PDE1A: variants seen among roughly 807,000 people sequenced by gnomAD.
The protein encoded by PDE1A is dual specificity calcium/calmodulin-dependent 3',5'-cyclic nucleotide phosphodiesterase 1A.
Under a neutral mutation model 61.7 loss-of-function variants are expected in PDE1A, and 35 were observed. That is an observed-to-expected ratio of 0.57 (90% CI 0.43 to 0.75). PDE1A has a LOEUF of 0.75. Among genes scored for constraint, PDE1A ranks in the 30% least tolerant of loss-of-function variants. PDE1A has a pLI of 0.00. For synonymous variants in PDE1A, 232 were observed against 213.2 expected (o/e 1.09, Z -0.77); for missense variants, 597 against 630.6 (o/e 0.95, Z 0.57).
chr2:182,264,439 G>A (rs1692456894), intron 1 of PDE1A, 25 bp from the exon 2 acceptor site: 2 of 1,528,794 alleles, frequency 1.3e-6, no homozygotes, highest in Non-Finnish European at 1.8e-6. Flanking sequence ...TAGCCAAAGA[G>A]AGAAAGAGCA....
At chr2:182,704,227 A>C in the PDE1A span, among the ~76,000 whole-genome samples, 2 of 141,324 alleles carry the variant, frequency 1.4e-5, no homozygotes, top group South Asian at 2.2e-4. Context: ...AAAAAAAAAC[A>C]AAAAAAAAAA....
At chr2:182,592,479 C>G in the PDE1A span, among the ~76,000 whole-genome samples, 1 of 152,180 alleles carries the variant, frequency 6.6e-6, no homozygotes, top group Admixed American at 6.5e-5. Context: ...AACTTGGTTA[C>G]GTATCTTCCC....
chr2:182,593,620 C>T, the PDE1A span, among the ~76,000 whole-genome samples: 1,691 of 152,306 alleles, frequency 0.011, 11 homozygotes, highest in Middle Eastern at 0.02. Flanking sequence ...CAAGCAGCAT[C>T]TTATACTAAA....
chr2:182,360,826 C>A (rs909311368), intron 1 of PDE1A, among the ~76,000 whole-genome samples: 9 of 151,818 alleles, frequency 5.9e-5, no homozygotes, highest in Admixed American at 5.9e-4. Context: ...TGTATGGATT[C>A]TTGACAAGTT....
chr2:182,700,961 A>C, the PDE1A span, among the ~76,000 whole-genome samples: 3 of 152,082 alleles, frequency 2.0e-5, no homozygotes, highest in African/African-American at 7.2e-5. Context: ...TGTCCTAATT[A>C]GTTTTCATTT....
At chr2:182,685,062 T>G in the PDE1A span, among the ~76,000 whole-genome samples, 21 of 149,546 alleles carry the variant, frequency 1.4e-4, no homozygotes, top group African/African-American at 5.1e-4. Flanking sequence ...TTATTCTGAA[T>G]ATATATATAT....
intron 1 of PDE1A, among the ~76,000 whole-genome samples, chr2:182,360,529 GT>G (rs200227796): frequency 0.071 from 9,091 of 128,484 alleles, 583 homozygotes; most frequent in African/African-American, 0.21. Context: ...GCAGTTTAGT[GT>G]TTTTTTTTTT....
At chr2:182,242,056 A>G in intron 2 of PDE1A, 1 of 1,295,006 alleles carries the variant, frequency 7.7e-7, no homozygotes, top group South Asian at 2.5e-5. Flanking sequence ...TGGAATAGGA[A>G]TCATTGTGGT....
chr2:182,178,479 T>G (rs1684471837), intron 13 of PDE1A, among the ~76,000 whole-genome samples: 1 of 152,084 alleles, frequency 6.6e-6, no homozygotes, highest in Admixed American at 6.6e-5. Context: ...ACTTAGACAG[T>G]TATAGTCTGA....
At chr2:182,547,611 A>G in the PDE1A span, among the ~76,000 whole-genome samples, 1 of 152,228 alleles carries the variant, frequency 6.6e-6, no homozygotes, top group Non-Finnish European at 1.5e-5. Context: ...TTCATATTGC[A>G]TAGGAAGTGT....
intron 7 of PDE1A, among the ~76,000 whole-genome samples, chr2:182,212,618 C>T (rs1030927664): frequency 5.9e-5 from 9 of 152,218 alleles, no homozygotes; most frequent in Non-Finnish European, 1.3e-4. Flanking sequence ...CGCAAGGGGT[C>T]AGGGAGTTCC....
the PDE1A span, among the ~76,000 whole-genome samples, chr2:182,620,453 T>C: frequency 2.6e-5 from 4 of 152,190 alleles, no homozygotes; most frequent in African/African-American, 7.2e-5. Context: ...GTTGGCACCT[T>C]CCTCTAAGAA....
At chr2:182,564,977 A>G in the PDE1A span, among the ~76,000 whole-genome samples, 1 of 152,046 alleles carries the variant, frequency 6.6e-6, no homozygotes, top group Non-Finnish European at 1.5e-5. Context: ...AAAGTTTTCA[A>G]CTTCTTTGCC....
chr2:182,665,048 T>TCAAAC, the PDE1A span, among the ~76,000 whole-genome samples: 2 of 152,186 alleles, frequency 1.3e-5, no homozygotes, highest in African/African-American at 4.8e-5. Context: ...TTTAATCAAA[T>TCAAAC]CAAACTTTGT....
the PDE1A span, among the ~76,000 whole-genome samples, chr2:182,670,814 C>A: frequency 2.0e-5 from 3 of 152,218 alleles, no homozygotes; most frequent in Admixed American, 6.5e-5. Flanking sequence ...GTCACTATTT[C>A]TTTTAGAGGG....
chr2:182,658,073 C>CAAAAAAAAAAA, the PDE1A span, among the ~76,000 whole-genome samples: 1 of 119,568 alleles, frequency 8.4e-6, no homozygotes, highest in African/African-American at 3.4e-5. Context: ...AAAAAAAAAA[C>CAAAAAAAAAAA]AAAAAAACTT....
the PDE1A span, among the ~76,000 whole-genome samples, chr2:182,626,850 T>TAC: frequency 4.2e-5 from 1 of 23,854 alleles, no homozygotes; most frequent in African/African-American, 1.1e-4. Context: ...TATATATACA[T>TAC]ATATATATAC....
chr2:182,707,036 T>G, the PDE1A span, among the ~76,000 whole-genome samples: 3 of 152,218 alleles, frequency 2.0e-5, no homozygotes, highest in East Asian at 5.8e-4. Context: ...TACTAGTTTA[T>G]TCCCCCTATT....
At chr2:182,182,648 C>T (rs567361156) in intron 13 of PDE1A, among the ~76,000 whole-genome samples, 1 of 152,166 alleles carries the variant, frequency 6.6e-6, no homozygotes, top group East Asian at 1.9e-4. Flanking sequence ...AGGTCAGGCA[C>T]CACATTCCCC....
Sources: allele counts gnomAD v4.1 joint callset (sites outside exome capture counted in the v4.1 genomes callset), GRCh38; gene constraint gnomAD v4.1.1; transcripts MANE v1.5; gene names NCBI Gene and HGNC (gene_info 2026-07-23, HGNC 2026-07-21).